ZNF574: variants seen among roughly 807,000 people sequenced by gnomAD.
ZNF574 encodes the protein zinc finger protein 574.
In ZNF574, 25 loss-of-function variants were observed where a neutral mutation model predicts 56.6. The ratio of observed to expected loss-of-function variants is 0.44; its 90% CI spans 0.32 to 0.62. ZNF574 has a LOEUF of 0.62. ZNF574 is among the 20% of genes least tolerant of loss of function. The probability of loss-of-function intolerance (pLI) is 0.04; values close to 1 mark genes in which losing one functional copy is unlikely to be tolerated. For synonymous variants in ZNF574, 543 were observed against 492.1 expected, an observed-to-expected ratio of 1.10 and a Z score of -1.37; for missense variants, 1,065 against 1,218.9, an observed-to-expected ratio of 0.87 and a Z score of 1.88.
chr19:42,077,340 G>T (rs1232739862), intron 1 of ZNF574, among the ~76,000 whole-genome samples: 2 of 152,178 alleles, frequency 1.3e-5, no homozygotes, highest in Non-Finnish European at 2.9e-5. Flanking sequence ...AAAGATGGGT[G>T]TGTGGATCTT....
In ZNF574 at chr19:42,079,414, C is replaced by T. The variant is rs2146215149; in HGVS notation, c.808C>T (p.Pro270Ser). 1 of 1,613,670 alleles carries T rather than the reference C, an allele frequency of 6.2e-7. No homozygotes were observed. Among genetic ancestry groups the T allele is most frequent in the Non-Finnish European group, 8.5e-7 (1 of 1,180,038 alleles). Residue 270 changes from proline to serine, a missense_variant, in exon 2 of 2, where the codon CCA (proline) becomes TCA (serine). Coordinates refer to ENST00000359044, the MANE Select transcript of ZNF574 (RefSeq NM_022752.6). The surrounding 1 kb of genome is among the most constrained non-coding windows in gnomAD (Gnocchi z 4.3). ...EVPVSQPDPLPASDHSYELRN... is the reference protein window; with the variant it reads ...EVPVSQPDPLSASDHSYELRN... ...GCCTGTGTCTCAGCCTGACCCCTTG[C>T]CAGCTTCTGACCACAGTTACGAGCT...
chr19:42,079,633 C>T lies in ZNF574; in HGVS notation c.1027C>T (p.Arg343Cys). The change falls in exon 2 of 2, where the codon CGT (arginine) becomes TGT (cysteine). Residue 343 changes from arginine to cysteine, a missense_variant. By Grantham distance (180) the Arg-to-Cys change is radical (BLOSUM62 -3). Transcript: ENST00000359044. The surrounding 1 kb of genome is among the most constrained non-coding windows in gnomAD (Gnocchi z 4.3). Reference sequence around the variant, plus strand: ...CGTCTTTAAGTGCCCCCTGTGCAGTCGTGTCTTCCCTAGCCCTTCCAGTCT... The same window carrying T: ...CGTCTTTAAGTGCCCCCTGTGCAGTTGTGTCTTCCCTAGCCCTTCCAGTCT... ...EGVFKCPLCS[R>C]VFPSPSSLDQ... 5.0e-6 allele frequency: 8 copies of T among 1,614,120 alleles called. No individual in the cohort carries two copies. The highest frequency in any genetic ancestry group is 2.2e-5 in the East Asian group (1 of 44,870).
chr19:42,074,460 T>TAAAA (rs1385834180), upstream of ZNF574, among the ~76,000 whole-genome samples: 1 of 85,742 alleles, frequency 1.2e-5, no homozygotes, highest in Non-Finnish European at 2.6e-5. Context: ...GTCTCATAAA[T>TAAAA]AAAATAAAAT....
rs1471045284 is a variant in ZNF574 at position 42,080,792 on chromosome 19, C to G, written c.2186C>G (p.Pro729Arg). ...CTTGGAAGCACTGCTACAGCATCCCCTGCGGCCCCTGCCCGCCGCCGGGGT... is the reference window on the plus strand; with the variant it reads ...CTTGGAAGCACTGCTACAGCATCCCGTGCGGCCCCTGCCCGCCGCCGGGGT... ...AALGSTATAS[P>R]AAPARRRGLE... The change falls in exon 2 of 2, where the codon CCT becomes CGT. Residue 729 changes from proline to arginine, a missense_variant. Transcript: ENST00000359044. The surrounding 1 kb of genome is among the most constrained non-coding windows in gnomAD (Gnocchi z 8.5). 1 of 1,613,930 alleles carries G rather than the reference C, an allele frequency of 6.2e-7. No individual in the cohort carries two copies. The highest frequency in any genetic ancestry group is 1.3e-5 in the African/African-American group (1 of 74,942).
Position 42,080,728 on chromosome 19 carries a change from C to T in ZNF574, c.2122C>T (p.Pro708Ser), listed in dbSNP as rs1299921072. Residue 708 changes from proline (P) to serine (S), a missense_variant, in exon 2 of 2, where the codon CCA (proline) becomes TCA (serine). Transcript: ENST00000359044. This position sits in a 1 kb window ranked among gnomAD's most constrained non-coding sequence, Gnocchi z 8.5. Reference sequence around the variant, plus strand: ...TAAGGAGCCCCCTGCCCCTCGAGCCCCACGGGCCACTCGTGCACCAGTTGC... The same window carrying T: ...TAAGGAGCCCCCTGCCCCTCGAGCCTCACGGGCCACTCGTGCACCAGTTGC... ...LAKEPPAPRA[P>S]RATRAPVASP... The T allele has an allele frequency of 8.7e-6, 14 of 1,613,630 alleles. No homozygotes were observed. The highest frequency in any genetic ancestry group is 1.2e-5 in the Non-Finnish European group (14 of 1,180,004).
In ZNF574 at chr19:42,080,051, C is replaced by T. The variant is rs765339139; in HGVS notation, c.1445C>T (p.Thr482Ile). 8 of 1,614,022 alleles carry T rather than the reference C, an allele frequency of 5.0e-6. No homozygotes were observed. In the South Asian group the frequency reaches 8.8e-5, roughly 18 times the overall value. ...GAATTTGGAAAGGCCTTGCAGCTGA[C>T]CCGGCACCAACGTTTTGTGCATCGG... ...SREFGKALQL[T>I]RHQRFVHRLE... Residue 482 changes from threonine to isoleucine, a missense_variant, in exon 2 of 2, where the codon ACC (threonine) becomes ATC (isoleucine). Physicochemically the swap from Thr to Ile is moderately conservative, Grantham distance 89 (BLOSUM62 -1). Transcript: ENST00000359044. This position sits in a 1 kb window ranked among gnomAD's most constrained non-coding sequence, Gnocchi z 8.5.
upstream of ZNF574, among the ~76,000 whole-genome samples, chr19:42,074,394 G>A (rs891738492): frequency 4.0e-5 from 6 of 151,742 alleles, no homozygotes; most frequent in African/African-American, 1.5e-4. Flanking sequence ...GGCGGAGGTT[G>A]CAGTGAGCCG....
At chr19:42,073,583 G>C (rs1287143210), upstream of ZNF574, among the ~76,000 whole-genome samples, 1 of 151,286 alleles carries the variant, frequency 6.6e-6, no homozygotes, top group Non-Finnish European at 1.5e-5. Context: ...CACTTTGGGA[G>C]GTCAAGGTAG....
intron 1 of ZNF574, among the ~76,000 whole-genome samples, chr19:42,069,697 G>A (rs1291191094): frequency 5.3e-5 from 8 of 149,930 alleles, no homozygotes; most frequent in African/African-American, 2.4e-5. Context: ...AAAGGAAGCC[G>A]GCCATCAGGA....
In ZNF574 at chr19:42,080,580, C is replaced by T. The variant is rs144331239; in HGVS notation, c.1974C>T (p.Ala658=). 7.7e-5 allele frequency: 124 copies of T among 1,612,840 alleles called. No homozygotes were observed. The highest frequency in any genetic ancestry group is 5.0e-4 in the Middle Eastern group (3 of 6,028). The change falls in exon 2 of 2, where the codon GCC becomes GCT. Residue 658 remains alanine (A), a synonymous_variant. Coordinates refer to ENST00000359044, the MANE Select transcript of ZNF574 (RefSeq NM_022752.6). The surrounding 1 kb of genome is among the most constrained non-coding windows in gnomAD (Gnocchi z 8.5). The part of the protein sequence containing the change: ...SLRLREHRCA[A]AAAQAPRRFE... ...GGCTCCGGGAGCACCGCTGTGCAGCCGCTGCTGCCCAGGCCCCACGGCGCT... is the reference window on the plus strand; with the variant it reads ...GGCTCCGGGAGCACCGCTGTGCAGCTGCTGCTGCCCAGGCCCCACGGCGCT...
At chr19:42,074,433 C>T (rs1462724840), upstream of ZNF574, among the ~76,000 whole-genome samples, 6 of 150,790 alleles carry the variant, frequency 4.0e-5, no homozygotes, top group Admixed American at 1.3e-4. Context: ...CCAGCCTGGG[C>T]GGCAGAGAAA....
chr19:42,070,229 AGAGG>A (rs2076405514), intron 1 of ZNF574: 1 of 152,306 alleles, frequency 6.6e-6, no homozygotes, highest in Non-Finnish European at 1.5e-5. Context: ...GAGAGAGAGA[AGAGG>A]GAGGGAGGGA....
chr19:42,074,797 A>G (rs913286111), upstream of ZNF574: 1 of 152,258 alleles, frequency 6.6e-6, no homozygotes, highest in Non-Finnish European at 1.5e-5. Flanking sequence ...TCAGGTAAGT[A>G]AATAAATAAC....
Position 42,079,892 on chromosome 19 carries a change from A to G in ZNF574, c.1286A>G (p.Glu429Gly). The change falls in exon 2 of 2, where the codon GAA becomes GGA. Residue 429 changes from glutamate (E) to glycine (G), a missense_variant. Transcript: ENST00000359044. The surrounding 1 kb of genome is among the most constrained non-coding windows in gnomAD (Gnocchi z 4.3). ...PLPTTPVPPEEPVIGFPEPAP... is the reference protein window; with the variant it reads ...PLPTTPVPPEGPVIGFPEPAP... ...CCCACAACACCAGTCCCACCAGAGG[A>G]ACCTGTCATTGGTTTCCCTGAGCCA... 1 of 1,614,036 alleles carries G rather than the reference A, an allele frequency of 6.2e-7. No individual in the cohort carries two copies. The highest frequency in any genetic ancestry group is 8.5e-7 in the Non-Finnish European group (1 of 1,180,008).
chr19:42,070,888 G>C (rs1048629866), intron 1 of ZNF574: 1 of 152,630 alleles, frequency 6.6e-6, no homozygotes, highest in African/African-American at 2.4e-5. Context: ...CAGACACCAG[G>C]GTACCAAAAA....
chr19:42,069,128 TACTTGCCAGTCCGGAGA>T (rs1404116005), intron 1 of ZNF574: 2 of 412,334 alleles, frequency 4.9e-6, no homozygotes, highest in African/African-American at 4.1e-5. Flanking sequence ...TGGGGGAGGG[TACTTGCCAGTCCGGAGA>T]ACGGGGAGAA....
Position 42,079,743 on chromosome 19 carries a change from C to A in ZNF574, c.1137C>A (p.Leu379=). Residue 379 remains leucine, a synonymous_variant, in exon 2 of 2, where the codon CTC becomes CTA. Coordinates refer to ENST00000359044, the MANE Select transcript of ZNF574 (RefSeq NM_022752.6). This position sits in a 1 kb window ranked among gnomAD's most constrained non-coding sequence, Gnocchi z 4.3. ...CGLAFGTEAL[L]LAHRRAHTPN... is the part of the protein sequence containing the mutation. ...TGGCCTTCGGCACAGAGGCCCTCCT[C>A]CTGGCCCACCGGCGAGCCCACACCC... is the stretch of plus-strand genomic sequence containing the variant. The A allele has an allele frequency of 4.3e-6, 7 of 1,614,226 alleles. No individual in the cohort carries two copies. Among genetic ancestry groups the A allele is most frequent in the Non-Finnish European group, 5.9e-6 (7 of 1,180,038 alleles).
Position 42,081,159 on chromosome 19 carries a change from T to C in ZNF574, c.2553T>C (p.Ala851=). The change falls in exon 2 of 2, where the codon GCT becomes GCC. Residue 851 remains alanine, a synonymous_variant. Transcript: ENST00000359044. Reference sequence around the variant, plus strand: ...CCCATCAGCAGCAGCATCAGGCAGCTGTGCGGCAGCAGCTGGCAGAGGCGG... The same window carrying C: ...CCCATCAGCAGCAGCATCAGGCAGCCGTGCGGCAGCAGCTGGCAGAGGCGG... ...RKTHQQQHQA[A]VRQQLAEAEA... 1 of 1,614,108 alleles carries C rather than the reference T, an allele frequency of 6.2e-7. No homozygotes were observed. The highest frequency in any genetic ancestry group is 8.5e-7 in the Non-Finnish European group (1 of 1,180,040).
rs764373973 is a variant in ZNF574, at chr19:42,078,982, T to G, written c.376T>G (p.Tyr126Asp). The part of the protein sequence containing the change: ...APPLSSSTIH[Y>D]ECVDCKALFA... ...ACCCCTGAGCTCCAGCACCATCCAC[T>G]ACGAGTGTGTGGATTGCAAGGCTCT... is the stretch of plus-strand genomic sequence containing the variant. Residue 126 changes from tyrosine (Y) to aspartate (D), a missense_variant, in exon 2 of 2, where the codon TAC becomes GAC. Coordinates refer to ENST00000359044, the MANE Select transcript of ZNF574 (RefSeq NM_022752.6). 1 of 1,613,948 alleles carries G rather than the reference T, an allele frequency of 6.2e-7. No individual in the cohort carries two copies. The highest frequency in any genetic ancestry group is 1.3e-5 in the African/African-American group (1 of 74,918).
Sources: allele counts gnomAD v4.1 joint callset (sites outside exome capture counted in the v4.1 genomes callset), GRCh38; gene constraint gnomAD v4.1.1; non-coding constraint Gnocchi (gnomAD v3.1); transcripts MANE v1.5; gene names NCBI Gene and HGNC (gene_info 2026-07-23, HGNC 2026-07-21).